PIK3R1: variants seen among roughly 807,000 people sequenced by gnomAD.
The protein encoded by PIK3R1 is phosphoinositide-3-kinase regulatory subunit 1.
A neutral mutation model predicts 98.0 loss-of-function variants in PIK3R1; 29 were observed. The ratio of observed to expected loss-of-function variants is 0.30; its 90% CI spans 0.22 to 0.40. The LOEUF is 0.40. PIK3R1 is among the 10% of genes least tolerant of loss of function. The pLI, the probability that PIK3R1 is intolerant of heterozygous loss-of-function variation, is 1.00. For synonymous variants in PIK3R1, 282 were observed against 311.8 expected (o/e 0.90, Z 1.01); for missense variants, 596 against 872.7 (o/e 0.68, Z 3.99).
chr5:68,286,394 C>T (rs891837945), intron 7 of PIK3R1, among the ~76,000 whole-genome samples: 3 of 152,130 alleles, frequency 2.0e-5, no homozygotes, highest in African/African-American at 7.2e-5. Flanking sequence ...GATCAAGTGA[C>T]AGTAATACAA....
At chr5:68,289,013 G>C (rs1375938812) in intron 7 of PIK3R1, among the ~76,000 whole-genome samples, 1 of 152,086 alleles carries the variant, frequency 6.6e-6, no homozygotes, top group Admixed American at 6.5e-5. Context: ...GGCTTGGAGA[G>C]ACCATGGGAA....
intron 1 of PIK3R1, among the ~76,000 whole-genome samples, chr5:68,223,072 A>G (rs1744147559): frequency 6.6e-6 from 1 of 151,338 alleles, no homozygotes; most frequent in Non-Finnish European, 1.5e-5. Flanking sequence ...ATATATAGTC[A>G]GCATCATCAT....
At chr5:68,240,371 A>T (rs1416635743) in intron 2 of PIK3R1, among the ~76,000 whole-genome samples, 1 of 152,240 alleles carries the variant, frequency 6.6e-6, no homozygotes, top group Non-Finnish European at 1.5e-5. Flanking sequence ...TTGTGGTCTA[A>T]TCTTCCCCTT....
rs1747788048 is a variant in PIK3R1, at chr5:68,297,466, C to G, written c.2040C>G (p.Gly680=). ...TAAACAAAACAGCAACTGGCTATGGCTTTGCCGAGCCCTATAACTTGTACA... is the reference window on the plus strand; with the variant it reads ...TAAACAAAACAGCAACTGGCTATGGGTTTGCCGAGCCCTATAACTTGTACA... The part of the protein sequence containing the change: ...CVINKTATGY[G]FAEPYNLYSS... The change falls in exon 16 of 16, where the codon GGC becomes GGG. Residue 680 remains glycine (G), a synonymous_variant. Transcript: ENST00000521381. 11 of 1,614,170 alleles carry G rather than the reference C, an allele frequency of 6.8e-6. No individual in the cohort carries two copies. Among genetic ancestry groups the G allele is most frequent in the Middle Eastern group, 1.6e-4 (1 of 6,062 alleles).
chr5:68,222,830 T>C lies in PIK3R1; in HGVS notation c.-386-3460T>C, dbSNP rs191346029. Reference sequence around the variant, plus strand: ...ATCATCCACACCAAAGCAAGTTGAGTTCAGGCAGTAGATGCTGGAGGTGTT... The same window carrying C: ...ATCATCCACACCAAAGCAAGTTGAGCTCAGGCAGTAGATGCTGGAGGTGTT... On this transcript the variant is annotated intron_variant, in intron 1 of 15. Transcript: ENST00000521381. Among the ~76,000 whole-genome samples, 232 of 152,174 alleles carry C rather than the reference T, an allele frequency of 1.5e-3. 2 individuals carry two copies. Among genetic ancestry groups the C allele is most frequent in the Non-Finnish European group, 2.8e-3 (192 of 67,998 alleles).
intron 2 of PIK3R1, among the ~76,000 whole-genome samples, chr5:68,257,451 C>A (rs1580210173): frequency 6.6e-6 from 1 of 152,180 alleles, no homozygotes; most frequent in Non-Finnish European, 1.5e-5. Context: ...CTTTGGCTGG[C>A]TGGCTGTGCA....
intron 2 of PIK3R1, among the ~76,000 whole-genome samples, chr5:68,249,720 C>T (rs997109408): frequency 6.6e-6 from 1 of 152,036 alleles, no homozygotes; most frequent in Non-Finnish European, 1.5e-5. Context: ...TTATAGTCAC[C>T]AATTACCAGG....
At chr5:68,271,743 T>A (rs1186891996) in intron 2 of PIK3R1, among the ~76,000 whole-genome samples, 1 of 152,138 alleles carries the variant, frequency 6.6e-6, no homozygotes, top group Non-Finnish European at 1.5e-5. Context: ...ATATAGCTCT[T>A]CTCTTTTTAT....
intron 7 of PIK3R1, among the ~76,000 whole-genome samples, chr5:68,289,611 C>A (rs79013971): frequency 6.6e-6 from 1 of 151,172 alleles, no homozygotes; most frequent in Non-Finnish European, 1.5e-5. Context: ...GATTGGTTCA[C>A]AATGAGAATG....
Position 68,300,725 on chromosome 5 carries a change from C to T in PIK3R1, c.*3124C>T, listed in dbSNP as rs904781464. The T allele has an allele frequency of 8.6e-6, 2 of 233,098 alleles. No homozygotes were observed. Among genetic ancestry groups the T allele is most frequent in the African/African-American group, 2.2e-5 (1 of 45,326 alleles). 14.4% of individuals were successfully genotyped at this position (233,098 alleles called of 1,614,324 possible). A position where few individuals can be genotyped will look rare whatever the true frequency, so the allele number is the denominator to read the frequency against. ...TCAAGTACATAAAGTACATAACAAG[C>T]GAACGTCTAGTACAATTCTTACTTA... On this transcript the variant is annotated 3_prime_UTR_variant, in exon 16 of 16. Transcript: ENST00000521381.
rs979065190 is a variant in PIK3R1 at position 68,226,314 on chromosome 5, C to A, written c.-362C>A. ...GGTGAAGCTCGTGTGTGGAGTGCCA[C>A]GGTACAATCAGACGACAGATGGACA... On this transcript the variant is annotated 5_prime_UTR_variant, in exon 2 of 16. Transcript: ENST00000521381. The A allele has an allele frequency of 2.4e-6, 1 of 417,862 alleles. No homozygotes were observed. The allele number at this position is 417,862 out of a possible 1,614,324, so 25.9% of individuals were successfully genotyped here. A position where few individuals can be genotyped will look rare whatever the true frequency, so the allele number is the denominator to read the frequency against.
intron 4 of PIK3R1, among the ~76,000 whole-genome samples, chr5:68,278,419 A>G (rs1179393646): frequency 6.6e-6 from 1 of 152,176 alleles, no homozygotes; most frequent in Non-Finnish European, 1.5e-5. Context: ...TGACATTTAC[A>G]TGAATTCTGA....
chr5:68,296,560 T>A (rs1561301306), intron 15 of PIK3R1, among the ~76,000 whole-genome samples: 1 of 152,218 alleles, frequency 6.6e-6, no homozygotes, highest in Admixed American at 6.5e-5. Context: ...TACTGTTTAG[T>A]TGGAAGACTA....
At chr5:68,220,453 C>T (rs577825749) in intron 1 of PIK3R1, among the ~76,000 whole-genome samples, 29 of 152,294 alleles carry the variant, frequency 1.9e-4, no homozygotes, top group East Asian at 1.9e-4. Flanking sequence ...CCAGAAGCTA[C>T]GTCACCCTTT....
intron 2 of PIK3R1, among the ~76,000 whole-genome samples, chr5:68,270,705 A>T (rs571048382): frequency 3.3e-5 from 5 of 152,256 alleles, no homozygotes; most frequent in African/African-American, 1.2e-4. Flanking sequence ...ACAATAATGG[A>T]TCTTAATAAA....
chr5:68,292,929 G>A (rs1402288622), intron 8 of PIK3R1, 172 bp from the exon 9 acceptor site: 2 of 676,650 alleles, frequency 3.0e-6, no homozygotes, highest in Non-Finnish European at 4.8e-6. Context: ...CTCTGAAAAT[G>A]CAATTCATTA....
Position 68,296,304 on chromosome 5 carries a change from G to A in PIK3R1, c.1948G>A (p.Glu650Lys), listed in dbSNP as rs1436986737. Residue 650 changes from glutamate to lysine, a missense_variant, in exon 15 of 16, where the codon GAG (glutamate) becomes AAG (lysine). Physicochemically the swap from Glu to Lys is moderately conservative, Grantham distance 56. Coordinates refer to ENST00000521381, the MANE Select transcript of PIK3R1 (RefSeq NM_181523.3). Reference protein sequence around the residue: ...GKRDGTFLVRESSKQGCYACS... With the variant: ...GKRDGTFLVRKSSKQGCYACS... Reference sequence around the variant, plus strand: ...GCGAGATGGCACTTTTCTTGTCCGGGAGAGCAGTAAACAGGGCTGCTATGC... The same window carrying A: ...GCGAGATGGCACTTTTCTTGTCCGGAAGAGCAGTAAACAGGGCTGCTATGC... 17 of 1,614,168 alleles carry A rather than the reference G, an allele frequency of 1.1e-5. No individual in the cohort carries two copies. The highest frequency in any genetic ancestry group is 1.4e-5 in the Non-Finnish European group (17 of 1,180,020).
intron 2 of PIK3R1, among the ~76,000 whole-genome samples, chr5:68,241,999 G>C (rs887274175): frequency 3.9e-5 from 6 of 152,192 alleles, no homozygotes; most frequent in African/African-American, 7.2e-5. Context: ...ACTTATTTAT[G>C]ACAATTTGCA....
chr5:68,245,776 A>G (rs1745060720), intron 2 of PIK3R1, among the ~76,000 whole-genome samples: 1 of 152,262 alleles, frequency 6.6e-6, no homozygotes, highest in South Asian at 2.1e-4. Context: ...GCCACAGAAA[A>G]TAAAGACCAA....
Sources: gnomAD v4.1 joint callset for allele counts (sites outside exome capture counted in the v4.1 genomes callset) on GRCh38, gnomAD v4.1.1 for gene constraint, MANE v1.5 for transcripts, NCBI Gene and HGNC (gene_info 2026-07-23, HGNC 2026-07-21) for gene names.